Variants in GRIK4 observed in about 807,000 individuals in gnomAD.
GRIK4 encodes glutamate receptor ionotropic, kainate 4.
GRIK4 carries 40 observed loss-of-function variants against 104.9 expected under a neutral mutation model. The observed-to-expected ratio is 0.38, with a 90% CI of 0.30 to 0.50. GRIK4 has a LOEUF of 0.50. Among genes scored for constraint, GRIK4 ranks in the 20% least tolerant of loss-of-function variants. GRIK4 has a pLI of 0.93. For synonymous variants in GRIK4, 485 were observed against 524.9 expected, an observed-to-expected ratio of 0.92 and a Z score of 1.04; for missense variants, 1,047 against 1,308.1, an observed-to-expected ratio of 0.80 and a Z score of 3.08.
rs1031349224 is a variant in GRIK4, at chr11:120,697,731, T to C, written c.82+37331T>C. On this transcript the variant is annotated intron_variant, in intron 3 of 20. Transcript: ENST00000527524. ...AGCTCTGGTGGCTTTTATGAAGGCATGATCCGGGTGTGTTGGCCTCTGCAT... is the reference window on the plus strand; with the variant it reads ...AGCTCTGGTGGCTTTTATGAAGGCACGATCCGGGTGTGTTGGCCTCTGCAT... 2.0e-5 allele frequency among the ~76,000 whole-genome samples: 3 copies of C among 152,204 alleles called. No individual in the cohort carries two copies. The East Asian group carries it at 5.8e-4, about 29-fold the overall frequency.
rs567637023 is a variant in GRIK4 at position 120,879,912 on chromosome 11, C to T, written c.1164+4669C>T. ...GAGGCTGGGAAAGAAGGAAGCACAACATCATAAGGCCCTTAATATCCTTCG... is the reference window on the plus strand; with the variant it reads ...GAGGCTGGGAAAGAAGGAAGCACAATATCATAAGGCCCTTAATATCCTTCG... On this transcript the variant is annotated intron_variant, in intron 11 of 20. Coordinates refer to ENST00000527524, the MANE Select transcript of GRIK4 (RefSeq NM_014619.5). Among the ~76,000 whole-genome samples, 4 of 152,332 alleles carry T rather than the reference C, an allele frequency of 2.6e-5. No individual in the cohort carries two copies. The East Asian group carries it at 7.7e-4, about 29-fold the overall frequency.
chr11:120,648,544 C>G (rs1949573066), intron 1 of GRIK4, among the ~76,000 whole-genome samples: 1 of 152,138 alleles, frequency 6.6e-6, no homozygotes, highest in Non-Finnish European at 1.5e-5. Context: ...GGGTGAACTC[C>G]CAGGCTCAGC....
chr11:120,619,702 TCTTC>T (rs1212325612), intron 1 of GRIK4, among the ~76,000 whole-genome samples: 2 of 152,174 alleles, frequency 1.3e-5, no homozygotes, highest in Non-Finnish European at 2.9e-5. Flanking sequence ...CCTCCCCTAC[TCTTC>T]CTCTTGCTAT....
chr11:120,762,738 G>A (rs183832950), intron 3 of GRIK4, among the ~76,000 whole-genome samples: 7 of 152,070 alleles, frequency 4.6e-5, no homozygotes, highest in South Asian at 2.1e-4. Context: ...GTTGGATTAC[G>A]TTTATTGATT....
chr11:120,807,936 G>A (rs1428737281), intron 4 of GRIK4, among the ~76,000 whole-genome samples: 2 of 152,160 alleles, frequency 1.3e-5, no homozygotes, highest in African/African-American at 2.4e-5. Flanking sequence ...CCAATGAGTG[G>A]CACAGACAGG....
At chr11:120,607,171 T>G (rs1285035505) in intron 1 of GRIK4, among the ~76,000 whole-genome samples, 1 of 152,128 alleles carries the variant, frequency 6.6e-6, no homozygotes, top group East Asian at 1.9e-4. Context: ...GAGGACAGGC[T>G]TCGGGGAGAC....
chr11:120,565,917 G>A (rs1227615530), intron 1 of GRIK4, among the ~76,000 whole-genome samples: 1 of 152,212 alleles, frequency 6.6e-6, no homozygotes, highest in African/African-American at 2.4e-5. Flanking sequence ...TGAGACACAC[G>A]TGGTTATTCT....
At chr11:120,870,512 A>G (rs1481775855) in intron 9 of GRIK4, 1 of 152,064 alleles carries the variant, frequency 6.6e-6, no homozygotes, top group African/African-American at 2.4e-5. Context: ...GATTGCCCCA[A>G]GTTGTCCTGG....
At chr11:120,872,414 A>C (rs901867103) in intron 9 of GRIK4, 10 of 161,854 alleles carry the variant, frequency 6.2e-5, no homozygotes, top group African/African-American at 2.4e-4. Flanking sequence ...CCAACCGTGG[A>C]GGGGCCGGTG....
intron 4 of GRIK4, among the ~76,000 whole-genome samples, chr11:120,811,801 C>G (rs1045978402): frequency 6.6e-6 from 1 of 152,026 alleles, no homozygotes; most frequent in African/African-American, 2.4e-5. Context: ...GGCATACAGC[C>G]CACATTTTAT....
At chr11:120,556,217 T>C (rs1948184517) in intron 1 of GRIK4, among the ~76,000 whole-genome samples, 1 of 152,132 alleles carries the variant, frequency 6.6e-6, no homozygotes, top group Non-Finnish European at 1.5e-5. Flanking sequence ...AGGGAATTCA[T>C]GCATGCATGC....
chr11:120,920,257 G>A (rs1005875380), intron 13 of GRIK4, among the ~76,000 whole-genome samples: 2 of 152,130 alleles, frequency 1.3e-5, no homozygotes, highest in African/African-American at 4.8e-5. Context: ...CCTGTAGCGT[G>A]CCTGCACTTT....
rs556482503 is a variant in GRIK4 at position 120,972,041 on chromosome 11, T to G, written c.2395+4718T>G. Among the ~76,000 whole-genome samples the G allele has an allele frequency of 3.3e-5, 5 of 152,348 alleles. No individual in the cohort carries two copies. In the South Asian group the frequency reaches 1.0e-3, roughly 32 times the overall value. ...AGAATTTCCTGGAAGTCTTCTGTTC[T>G]GTCCTAAAAATACATGTGAATTTTG... On this transcript the variant is annotated intron_variant, in intron 19 of 20. Transcript: ENST00000527524.
intron 7 of GRIK4, among the ~76,000 whole-genome samples, chr11:120,833,684 G>A (rs1246016420): frequency 6.6e-6 from 1 of 151,982 alleles, no homozygotes; most frequent in Non-Finnish European, 1.5e-5. Flanking sequence ...TGAAATTTTG[G>A]AACATATAGA....
intron 3 of GRIK4, among the ~76,000 whole-genome samples, chr11:120,758,031 A>G (rs1363240459): frequency 1.3e-5 from 2 of 152,138 alleles, no homozygotes. Flanking sequence ...TGAGATGCCA[A>G]GTGGGGATCA....
chr11:120,703,517 C>A (rs748250574), intron 3 of GRIK4, among the ~76,000 whole-genome samples: 1 of 151,758 alleles, frequency 6.6e-6, no homozygotes, highest in Non-Finnish European at 1.5e-5. Context: ...ACTGTCAGCC[C>A]AACCCAGGCT....
At chr11:120,638,743 C>T (rs891393078) in intron 1 of GRIK4, among the ~76,000 whole-genome samples, 5 of 151,962 alleles carry the variant, frequency 3.3e-5, no homozygotes, top group Non-Finnish European at 7.4e-5. Flanking sequence ...TCCCAAAGTG[C>T]TGGGATTACA....
chr11:120,836,777 T>C lies in GRIK4; in HGVS notation c.691-14T>C, dbSNP rs1264260021. 1.3e-6 allele frequency: 2 copies of C among 1,587,296 alleles called. No homozygotes were observed. The highest frequency in any genetic ancestry group is 1.7e-6 in the Non-Finnish European group (2 of 1,155,426). On this transcript the variant is annotated splice_polypyrimidine_tract_variant and intron_variant, in intron 7 of 20. Coordinates refer to ENST00000527524, the MANE Select transcript of GRIK4 (RefSeq NM_014619.5). ...TTTGTTTTCTTCTCTAATCTCCTTC[T>C]CTTCGCCTTGCAGGCAGCCGAACTT...
intron 1 of GRIK4, among the ~76,000 whole-genome samples, chr11:120,609,595 A>G (rs550991639): frequency 5.6e-5 from 7 of 125,360 alleles, no homozygotes; most frequent in Admixed American, 5.4e-4. Context: ...GTTCACTGCA[A>G]CCTCCGCCTC....
Sources: gnomAD v4.1 joint callset for allele counts (sites outside exome capture counted in the v4.1 genomes callset) on GRCh38, gnomAD v4.1.1 for gene constraint, MANE v1.5 for transcripts, NCBI Gene and HGNC (gene_info 2026-07-23, HGNC 2026-07-21) for gene names.